The following CDKAL1 variants were observed in gnomAD, a reference collection of about 807,000 sequenced individuals.
The protein encoded by CDKAL1 is CDKAL1 threonylcarbamoyladenosine tRNA methylthiotransferase.
In CDKAL1, 32 loss-of-function variants were observed where a neutral mutation model predicts 68.2. That is an observed-to-expected ratio of 0.47 (90% CI 0.35 to 0.63). The LOEUF (loss-of-function observed/expected upper bound fraction) is 0.63. Among genes scored for constraint, CDKAL1 ranks in the 30% least tolerant of loss-of-function variants. CDKAL1 has a pLI of 0.00. For missense variants in CDKAL1, 606 were observed against 696.7 expected (o/e 0.87, Z 1.47); for synonymous variants, 234 against 244.3 (o/e 0.96, Z 0.39).
chr6:21,201,252 G>A lies in CDKAL1; in HGVS notation c.1526G>A (p.Gly509Glu). ...TCCATCAGCAAACCGCTAGCAAAGG[G>A]AGAAGTCTCGGGTTTGACAAAGGTA... ...TPSISKPLAK[G>E]EVSGLTKDFR... The change falls in exon 15 of 16, where the codon GGA becomes GAA. Residue 509 changes from glycine (G) to glutamate (E), a missense_variant. By Grantham distance (98) the Gly-to-Glu change is moderately conservative. Transcript: ENST00000274695. The A allele has an allele frequency of 6.2e-7, 1 of 1,610,270 alleles. No homozygotes were observed. The highest frequency in any genetic ancestry group is 1.7e-5 in the Admixed American group (1 of 59,968).
At chr6:20,759,576 T>C (rs1774378202) in intron 7 of CDKAL1, among the ~76,000 whole-genome samples, 1 of 152,176 alleles carries the variant, frequency 6.6e-6, no homozygotes, top group Admixed American at 6.5e-5. Context: ...AATTTTTTAT[T>C]TGTACATTTT....
chr6:20,659,607 T>C lies in CDKAL1; in HGVS notation c.371+10230T>C, dbSNP rs139328458. Reference sequence around the variant, plus strand: ...TCATCTCCTTCCACTGTTTGGATATTGTCTGTATGCTGATTTCTCCCAAAT... The same window carrying C: ...TCATCTCCTTCCACTGTTTGGATATCGTCTGTATGCTGATTTCTCCCAAAT... On this transcript the variant is annotated intron_variant, in intron 5 of 15. Transcript: ENST00000274695. 4.4e-3 allele frequency among the ~76,000 whole-genome samples: 675 copies of C among 152,344 alleles called. 5 individuals are homozygous for C. The highest frequency in any genetic ancestry group is 0.015 in the African/African-American group (641 of 41,586).
chr6:20,981,451 CCA>C (rs1347573847), intron 10 of CDKAL1, among the ~76,000 whole-genome samples: 1 of 152,124 alleles, frequency 6.6e-6, no homozygotes. Flanking sequence ...AAAATAATTC[CCA>C]GTTTTCTCTG....
intron 15 of CDKAL1, among the ~76,000 whole-genome samples, chr6:21,225,149 C>T (rs1262516356): frequency 1.3e-5 from 2 of 152,072 alleles, no homozygotes; most frequent in Non-Finnish European, 2.9e-5. Flanking sequence ...TGTTGACACG[C>T]GCCATGAGGA....
intron 4 of CDKAL1, among the ~76,000 whole-genome samples, chr6:20,602,869 T>A: frequency 6.6e-6 from 1 of 152,212 alleles, no homozygotes; most frequent in East Asian, 1.9e-4. Flanking sequence ...GCTTTTCTCA[T>A]CTGAAGAAGA....
chr6:21,221,471 A>C (rs1324188286), intron 15 of CDKAL1, among the ~76,000 whole-genome samples: 1 of 151,530 alleles, frequency 6.6e-6, no homozygotes, highest in Non-Finnish European at 1.5e-5. Context: ...CCAGCAGTCC[A>C]CCCACCTTGG....
chr6:20,882,635 C>T (rs1186165393), intron 9 of CDKAL1, among the ~76,000 whole-genome samples: 1 of 152,100 alleles, frequency 6.6e-6, no homozygotes, highest in Non-Finnish European at 1.5e-5. Context: ...CTTTTTATTG[C>T]TGTGTGCTAT....
intron 7 of CDKAL1, among the ~76,000 whole-genome samples, chr6:20,767,879 T>G (rs1188580679): frequency 6.6e-6 from 1 of 152,174 alleles, no homozygotes; most frequent in Admixed American, 6.5e-5. Flanking sequence ...TTTCACTTAT[T>G]AATTTGAGGG....
chr6:20,950,217 T>C (rs1001220084), intron 9 of CDKAL1, among the ~76,000 whole-genome samples: 2 of 152,182 alleles, frequency 1.3e-5, no homozygotes, highest in East Asian at 1.9e-4. Context: ...CTCTGCCTCC[T>C]GGGTTCAAGT....
intron 5 of CDKAL1, among the ~76,000 whole-genome samples, chr6:20,679,958 T>G (rs888945708): frequency 6.6e-6 from 1 of 152,052 alleles, no homozygotes; most frequent in Non-Finnish European, 1.5e-5. Context: ...TTCTATTTAT[T>G]TTTATTTCTT....
chr6:20,960,378 C>G (rs114621872), intron 10 of CDKAL1, among the ~76,000 whole-genome samples: 2 of 152,214 alleles, frequency 1.3e-5, no homozygotes, highest in Non-Finnish European at 2.9e-5. Flanking sequence ...GGTTTCTAAT[C>G]TATTCTAATT....
chr6:21,108,355 A>G (rs1222066321), intron 12 of CDKAL1, 46 bp from the exon 13 acceptor site: 3 of 1,330,730 alleles, frequency 2.3e-6, no homozygotes, highest in Admixed American at 3.5e-5. Context: ...CTGTCAACTC[A>G]ATTGTTTGTA....
At chr6:20,836,069 C>A (rs976303525) in intron 8 of CDKAL1, among the ~76,000 whole-genome samples, 3 of 152,064 alleles carry the variant, frequency 2.0e-5, no homozygotes, top group African/African-American at 7.2e-5. Context: ...CCTTTTTACT[C>A]CCTCCTATGT....
intron 2 of CDKAL1, among the ~76,000 whole-genome samples, chr6:20,544,196 A>G (rs962824306): frequency 6.6e-6 from 1 of 152,078 alleles, no homozygotes; most frequent in African/African-American, 2.4e-5. Flanking sequence ...TTTGTGGAAT[A>G]TTTGTGTAGG....
At chr6:20,956,810 G>A (rs1035579705) in intron 10 of CDKAL1, among the ~76,000 whole-genome samples, 13 of 151,958 alleles carry the variant, frequency 8.6e-5, no homozygotes, top group Non-Finnish European at 1.8e-4. Flanking sequence ...CATAATGAGG[G>A]AGTTTAGCAA....
intron 9 of CDKAL1, among the ~76,000 whole-genome samples, chr6:20,855,167 C>T (rs961310825): frequency 3.4e-4 from 51 of 151,768 alleles, no homozygotes; most frequent in Non-Finnish European, 6.6e-4. Context: ...ACATGCTGGG[C>T]GCAGTGGCTC....
At chr6:20,725,429 A>G (rs1441749365) in intron 5 of CDKAL1, among the ~76,000 whole-genome samples, 2 of 152,188 alleles carry the variant, frequency 1.3e-5, no homozygotes, top group Admixed American at 6.5e-5. Flanking sequence ...AGTGAGGCGT[A>G]TATGCAGTGG....
intron 9 of CDKAL1, among the ~76,000 whole-genome samples, chr6:20,930,796 G>A (rs1460380802): frequency 6.6e-6 from 1 of 150,704 alleles, no homozygotes; most frequent in South Asian, 2.1e-4. Flanking sequence ...CCAGGCTGGA[G>A]TACAGTGACA....
intron 13 of CDKAL1, among the ~76,000 whole-genome samples, chr6:21,120,231 A>G (rs1001828079): frequency 7.9e-5 from 12 of 152,226 alleles, no homozygotes; most frequent in African/African-American, 2.9e-4. Context: ...GAAGACCTTG[A>G]ATTATGGACT....
Sources: gnomAD v4.1 joint callset for allele counts (sites outside exome capture counted in the v4.1 genomes callset) on GRCh38, gnomAD v4.1.1 for gene constraint, MANE v1.5 for transcripts, NCBI Gene and HGNC (gene_info 2026-07-23, HGNC 2026-07-21) for gene names.